XKR4: variants seen among roughly 807,000 people sequenced by gnomAD.
The protein encoded by XKR4 is XK-related protein 4.
In XKR4, 12 loss-of-function variants were observed where a neutral mutation model predicts 53.9. That is an observed-to-expected ratio of 0.22 (90% CI 0.14 to 0.36). The LOEUF (loss-of-function observed/expected upper bound fraction) is 0.36. XKR4 is among the 10% of genes least tolerant of loss of function. The pLI is 1.00. For missense variants in XKR4, 799 were observed against 859.5 expected (o/e 0.93, Z 0.88); for synonymous variants, 354 against 362.4 (o/e 0.98, Z 0.26).
At chr8:55,514,511 C>G (rs1393810473) in intron 2 of XKR4, among the ~76,000 whole-genome samples, 1 of 152,090 alleles carries the variant, frequency 6.6e-6, no homozygotes, top group Non-Finnish European at 1.5e-5. Context: ...CCCGCCTCGG[C>G]CTCCCAAAGC....
chr8:55,215,115 A>G (rs1057051024), intron 1 of XKR4, among the ~76,000 whole-genome samples: 6 of 150,622 alleles, frequency 4.0e-5, no homozygotes, highest in Non-Finnish European at 7.4e-5. Context: ...CAAGTTTGTT[A>G]TTTTTTCCCT....
rs556459939 is a variant in XKR4 at position 55,113,763 on chromosome 8, T to C, written c.806+10469T>C. Among the ~76,000 whole-genome samples, 8 of 152,284 alleles carry C rather than the reference T, an allele frequency of 5.3e-5. No individual in the cohort carries two copies. In the East Asian group the frequency reaches 1.5e-3, roughly 29 times the overall value. On this transcript the variant is annotated intron_variant, in intron 1 of 2. Transcript: ENST00000327381. ...CTTTTGGAGTCTCCAGTGTCTGTTATTCCACTCTGTATGTCCATGTGTACC... is the reference window on the plus strand; with the variant it reads ...CTTTTGGAGTCTCCAGTGTCTGTTACTCCACTCTGTATGTCCATGTGTACC...
At chr8:55,376,179 G>T (rs938623893) in intron 2 of XKR4, among the ~76,000 whole-genome samples, 3 of 152,098 alleles carry the variant, frequency 2.0e-5, no homozygotes, top group African/African-American at 4.8e-5. Flanking sequence ...GAATAGTCCT[G>T]CAGTGAACAT....
chr8:55,523,438 C>A lies in XKR4; in HGVS notation c.1164C>A (p.Ile388=). The part of the protein sequence containing the change: ...WHFFTIAARV[I]TFALFASVFQ... ...TCTTCACCATCGCCGCCAGGGTCAT[C>A]ACGTTTGCCCTCTTTGCCTCGGTTT... is the stretch of plus-strand genomic sequence containing the variant. The change falls in exon 3 of 3, where the codon ATC becomes ATA. Residue 388 remains isoleucine, a synonymous_variant. Transcript: ENST00000327381. 3 of 1,614,200 alleles carry A rather than the reference C, an allele frequency of 1.9e-6. No individual in the cohort carries two copies. The highest frequency in any genetic ancestry group is 2.5e-6 in the Non-Finnish European group (3 of 1,180,032).
In XKR4 at chr8:55,205,042, G is replaced by A. The variant is rs1325724667; in HGVS notation, c.806+101748G>A. ...TTGCTGCCGACGAACTGTGAAGACAGTTCCCCAGGAGGCTTTCCAGAAGTG... is the reference window on the plus strand; with the variant it reads ...TTGCTGCCGACGAACTGTGAAGACAATTCCCCAGGAGGCTTTCCAGAAGTG... On this transcript the variant is annotated intron_variant, in intron 1 of 2. Transcript: ENST00000327381. Among the ~76,000 whole-genome samples, 3 of 152,178 alleles carry A rather than the reference G, an allele frequency of 2.0e-5. No homozygotes were observed. In the East Asian group the frequency reaches 5.8e-4, roughly 29 times the overall value.
At chr8:55,479,381 C>A (rs1347130347) in intron 2 of XKR4, among the ~76,000 whole-genome samples, 2 of 152,018 alleles carry the variant, frequency 1.3e-5, no homozygotes, top group South Asian at 4.2e-4. Context: ...ACCAGAATCT[C>A]TGGGACACAA....
At chr8:55,227,454 T>G (rs757285617) in intron 1 of XKR4, among the ~76,000 whole-genome samples, 1 of 152,176 alleles carries the variant, frequency 6.6e-6, no homozygotes, top group Non-Finnish European at 1.5e-5. Flanking sequence ...CATTACTTTC[T>G]CAGATGAGGA....
intron 1 of XKR4, among the ~76,000 whole-genome samples, chr8:55,162,359 T>C (rs1375458057): frequency 6.6e-6 from 1 of 152,246 alleles, no homozygotes; most frequent in Non-Finnish European, 1.5e-5. Context: ...AGTGAGTTAA[T>C]GGTGAAGCCT....
At chr8:55,328,762 T>G (rs1400274486) in intron 1 of XKR4, among the ~76,000 whole-genome samples, 1 of 152,228 alleles carries the variant, frequency 6.6e-6, no homozygotes, top group Admixed American at 6.5e-5. Flanking sequence ...GTGCTTGCAC[T>G]GCCTGCAGCT....
At chr8:55,253,540 C>T (rs1818389857) in intron 1 of XKR4, among the ~76,000 whole-genome samples, 1 of 152,124 alleles carries the variant, frequency 6.6e-6, no homozygotes, top group South Asian at 2.1e-4. Context: ...TATTTCTTTT[C>T]CAGCACTGCA....
chr8:55,424,304 A>T (rs1164958315), intron 2 of XKR4, among the ~76,000 whole-genome samples: 1 of 152,268 alleles, frequency 6.6e-6, no homozygotes, highest in Non-Finnish European at 1.5e-5. Flanking sequence ...GGTGCCAAGT[A>T]GACCATAACC....
At chr8:55,293,538 A>G (rs1819061274) in intron 1 of XKR4, among the ~76,000 whole-genome samples, 1 of 152,186 alleles carries the variant, frequency 6.6e-6, no homozygotes, top group Non-Finnish European at 1.5e-5. Context: ...TTTATCATTT[A>G]TATCTGCTTA....
chr8:55,254,321 T>G (rs953283365), intron 1 of XKR4, among the ~76,000 whole-genome samples: 4 of 152,024 alleles, frequency 2.6e-5, no homozygotes, highest in African/African-American at 9.7e-5. Context: ...AAACACACTG[T>G]AACTGTTTGT....
intron 2 of XKR4, among the ~76,000 whole-genome samples, chr8:55,377,183 A>G (rs867330819): frequency 7.2e-5 from 11 of 152,022 alleles, no homozygotes; most frequent in African/African-American, 2.2e-4. Flanking sequence ...GAGTCAAAAA[A>G]CCCTTGCTGG....
intron 1 of XKR4, among the ~76,000 whole-genome samples, chr8:55,221,049 T>A (rs1167039519): frequency 6.6e-6 from 1 of 152,228 alleles, no homozygotes; most frequent in African/African-American, 2.4e-5. Flanking sequence ...CCTCATTGGC[T>A]TATATGTTTT....
intron 1 of XKR4, among the ~76,000 whole-genome samples, chr8:55,116,692 C>G (rs1252056039): frequency 2.0e-5 from 3 of 152,184 alleles, no homozygotes; most frequent in African/African-American, 7.2e-5. Flanking sequence ...TAATAGTTTT[C>G]TGATTTCCCT....
Position 55,254,890 on chromosome 8 carries a change from T to C in XKR4, c.807-102788T>C, listed in dbSNP as rs1585969691. Among the ~76,000 whole-genome samples the C allele has an allele frequency of 3.3e-5, 5 of 152,144 alleles. No homozygotes were observed. The East Asian group carries it at 9.6e-4, about 29-fold the overall frequency. ...CCCACTGGCCCCCAATATTGAAAGA[T>C]TTTGTCTACTCATGAATTATATTCT... On this transcript the variant is annotated intron_variant, in intron 1 of 2. Coordinates refer to ENST00000327381, the MANE Select transcript of XKR4 (RefSeq NM_052898.2).
intron 1 of XKR4, among the ~76,000 whole-genome samples, chr8:55,349,313 C>G (rs937256883): frequency 6.6e-6 from 1 of 152,168 alleles, no homozygotes. Context: ...CTGGGAAATG[C>G]AGTAAATACC....
intron 2 of XKR4, among the ~76,000 whole-genome samples, chr8:55,462,676 T>A (rs188862418): frequency 9.2e-5 from 14 of 152,282 alleles, no homozygotes; most frequent in Non-Finnish European, 1.9e-4. Flanking sequence ...AGCCACAGAC[T>A]GGCAAATTGG....
Sources: allele counts gnomAD v4.1 joint callset (sites outside exome capture counted in the v4.1 genomes callset), GRCh38; gene constraint gnomAD v4.1.1; transcripts MANE v1.5; gene names NCBI Gene and HGNC (gene_info 2026-07-23, HGNC 2026-07-21).